SOX6: variants seen among roughly 807,000 people sequenced by gnomAD.
SOX6 encodes SRY-box transcription factor 6.
A neutral mutation model predicts 97.8 loss-of-function variants in SOX6; 11 were observed. That is an observed-to-expected ratio of 0.11 (90% CI 0.07 to 0.19). SOX6 has a LOEUF of 0.19. Ranked by LOEUF, SOX6 falls within the 10% of genes least tolerant of loss-of-function variation. SOX6 has a pLI of 1.00. For missense variants in SOX6, 810 were observed against 1,039.5 expected (o/e 0.78, Z 3.04); for synonymous variants, 360 against 371.4 (o/e 0.97, Z 0.35).
intron 3 of SOX6, among the ~76,000 whole-genome samples, chr11:16,245,560 C>CT (rs1309728189): frequency 6.6e-6 from 1 of 151,518 alleles, no homozygotes; most frequent in Admixed American, 6.6e-5. Context: ...GTGGCTGTGT[C>CT]TTTTTCTTCT....
intron 4 of SOX6, among the ~76,000 whole-genome samples, chr11:16,566,883 T>C (rs1394724865): frequency 6.6e-6 from 1 of 152,234 alleles, no homozygotes; most frequent in Non-Finnish European, 1.5e-5. Flanking sequence ...CAAATGTTCA[T>C]AGGAGCACTA....
upstream of SOX6, among the ~76,000 whole-genome samples, chr11:16,358,407 C>T (rs1408645724): frequency 6.6e-6 from 1 of 152,086 alleles, no homozygotes; most frequent in East Asian, 1.9e-4. Context: ...ACAAATAGTT[C>T]TACCAACAGG....
intron 12 of SOX6, among the ~76,000 whole-genome samples, chr11:16,041,825 T>C (rs1855677484): frequency 6.6e-6 from 1 of 152,166 alleles, no homozygotes; most frequent in Non-Finnish European, 1.5e-5. Context: ...GAAATATGCA[T>C]ATCCTGACTT....
At chr11:16,609,939 C>T (rs982336379) in intron 4 of SOX6, among the ~76,000 whole-genome samples, 2 of 152,180 alleles carry the variant, frequency 1.3e-5, no homozygotes, top group African/African-American at 4.8e-5. Flanking sequence ...TCTCTAGGGG[C>T]CAGAGCCTGG....
intron 3 of SOX6, among the ~76,000 whole-genome samples, chr11:16,256,483 T>C (rs749080733): frequency 6.6e-6 from 1 of 151,798 alleles, no homozygotes; most frequent in African/African-American, 2.4e-5. Flanking sequence ...AGAAAAACAT[T>C]TGACAAAATT....
chr11:16,273,230 G>A (rs1464042279), intron 3 of SOX6, among the ~76,000 whole-genome samples: 1 of 151,876 alleles, frequency 6.6e-6, no homozygotes, highest in African/African-American at 2.4e-5. Flanking sequence ...GAGATGATGT[G>A]CGTGAGTCAA....
chr11:16,189,585 T>C (rs1851576363), intron 4 of SOX6, among the ~76,000 whole-genome samples: 1 of 152,148 alleles, frequency 6.6e-6, no homozygotes, highest in Non-Finnish European at 1.5e-5. Context: ...CAGCCCCTTA[T>C]AGACCATGTG....
At chr11:16,544,860 A>G (rs1306463824) in intron 4 of SOX6, among the ~76,000 whole-genome samples, 1 of 152,180 alleles carries the variant, frequency 6.6e-6, no homozygotes, top group African/African-American at 2.4e-5. Context: ...AATGTACTCC[A>G]TATCTTGAAA....
At chr11:16,556,097 A>T (rs1423600345) in intron 4 of SOX6, among the ~76,000 whole-genome samples, 1 of 151,774 alleles carries the variant, frequency 6.6e-6, no homozygotes, top group South Asian at 2.1e-4. Flanking sequence ...ATCTAAAAAA[A>T]GTCCTTAAAT....
intron 15 of SOX6, among the ~76,000 whole-genome samples, chr11:15,975,290 A>G (rs903341629): frequency 1.3e-5 from 2 of 152,202 alleles, no homozygotes. Flanking sequence ...ACACAAATTA[A>G]ATTTTATGCT....
intron 4 of SOX6, among the ~76,000 whole-genome samples, chr11:16,541,893 G>A (rs1861414870): frequency 1.3e-5 from 2 of 152,184 alleles, no homozygotes; most frequent in Non-Finnish European, 2.9e-5. Flanking sequence ...AACCATTGTG[G>A]GAGACAGTGT....
At chr11:16,227,003 C>A (rs951020613) in intron 4 of SOX6, among the ~76,000 whole-genome samples, 1 of 152,032 alleles carries the variant, frequency 6.6e-6, no homozygotes, top group African/African-American at 2.4e-5. Context: ...AAGATTCAAA[C>A]CCTACTTTCA....
intron 3 of SOX6, chr11:16,312,528 T>C (rs1855633992): frequency 6.6e-6 from 1 of 152,182 alleles, no homozygotes; most frequent in Non-Finnish European, 1.5e-5. Context: ...AAGCACTCAC[T>C]CTTCCCTTTA....
intron 3 of SOX6, among the ~76,000 whole-genome samples, chr11:16,242,944 A>G (rs1482994626): frequency 6.6e-6 from 1 of 151,830 alleles, no homozygotes; most frequent in Admixed American, 6.6e-5. Context: ...TTTTTGTCCA[A>G]ATGAGTACAC....
intron 3 of SOX6, among the ~76,000 whole-genome samples, chr11:16,698,928 G>T (rs1036549707): frequency 2.1e-4 from 32 of 152,104 alleles, no homozygotes; most frequent in African/African-American, 7.7e-4. Context: ...TAACAATAAT[G>T]AAAAAGGTTG....
At chr11:16,527,172 GA>G (rs141522181) in intron 4 of SOX6, among the ~76,000 whole-genome samples, 11 of 150,022 alleles carry the variant, frequency 7.3e-5, no homozygotes, top group Admixed American at 2.7e-4. Flanking sequence ...ACTGAAGAGG[GA>G]AAAAAAAATC....
At chr11:16,663,295 C>T (rs1340976814) in intron 3 of SOX6, among the ~76,000 whole-genome samples, 1 of 151,850 alleles carries the variant, frequency 6.6e-6, no homozygotes, top group Admixed American at 6.6e-5. Flanking sequence ...AAAAGTAAAA[C>T]TATTTCTTTT....
intron 4 of SOX6, among the ~76,000 whole-genome samples, chr11:16,501,115 T>C (rs1044596560): frequency 1.3e-5 from 2 of 152,086 alleles, no homozygotes; most frequent in African/African-American, 2.4e-5. Context: ...AACAGATATA[T>C]AGACCAATGG....
intron 4 of SOX6, among the ~76,000 whole-genome samples, chr11:16,597,588 T>TG (rs1344891899): frequency 9.9e-5 from 15 of 151,960 alleles, no homozygotes; most frequent in Admixed American, 8.5e-4. Context: ...TGAAGAAGAA[T>TG]GTTTGCTTTC....
Sources: allele counts gnomAD v4.1 joint callset (sites outside exome capture counted in the v4.1 genomes callset), GRCh38; gene constraint gnomAD v4.1.1; transcripts MANE v1.5; gene names NCBI Gene and HGNC (gene_info 2026-07-23, HGNC 2026-07-21).